ROCK1: variants seen among roughly 807,000 people sequenced by gnomAD.
The protein encoded by ROCK1 is Rho associated coiled-coil containing protein kinase 1.
A neutral mutation model predicts 196.8 loss-of-function variants in ROCK1; 36 were observed. That is an observed-to-expected ratio of 0.18 (90% confidence interval 0.14 to 0.24). The LOEUF is 0.24. ROCK1 is among the 10% of genes least tolerant of loss of function. ROCK1 has a pLI of 1.00. For synonymous variants in ROCK1, 443 were observed against 515.9 expected (o/e 0.86, Z 1.91); for missense variants, 920 against 1,562.0 (o/e 0.59, Z 6.93).
intron 2 of ROCK1, among the ~76,000 whole-genome samples, chr18:21,058,433 C>T (rs1230135875): frequency 6.6e-6 from 1 of 151,922 alleles, no homozygotes; most frequent in African/African-American, 2.4e-5. Context: ...TCATAATAAA[C>T]ATTATGTACC....
At chr18:21,055,952 T>C (rs531337643) in intron 2 of ROCK1, among the ~76,000 whole-genome samples, 1 of 152,342 alleles carries the variant, frequency 6.6e-6, no homozygotes, top group Admixed American at 6.5e-5. Context: ...CATCTTGATA[T>C]ATCAGTGGCT....
At position 21,048,459 on chromosome 18, in the gene ROCK1, T is replaced by C. The variant is rs2036179068; in HGVS notation, c.414+633A>G. 3.3e-5 allele frequency among the ~76,000 whole-genome samples: 5 copies of C among 152,282 alleles called. No individual in the cohort carries two copies. The South Asian group carries it at 8.3e-4, about 25-fold the overall frequency. On this transcript the variant is annotated intron_variant, in intron 4 of 32. Coordinates refer to ENST00000399799, the MANE Select transcript of ROCK1 (RefSeq NM_005406.3). ...AGTATCTATTTAAATTTTAATAATA[T>C]ACGACTTCCCTCAAATCTAAGTAGA...
At position 21,020,134 on chromosome 18, in the gene ROCK1, T is replaced by G; in HGVS notation, c.1361+17A>C. The G allele has an allele frequency of 6.6e-7, 1 of 1,517,184 alleles. No homozygotes were observed. The highest frequency in any genetic ancestry group is 9.0e-7 in the Non-Finnish European group (1 of 1,108,356). 94.0% of individuals were successfully genotyped at this position (1,517,184 alleles called of 1,614,324 possible). A position where few individuals can be genotyped will look rare whatever the true frequency, so the allele number is the denominator to read the frequency against. ...ATATAAAACTTTTAATATGAAAAAC[T>G]TAAAGTATATTCTCACCTGCACTTC... On this transcript the variant is annotated intron_variant, in intron 12 of 32. Coordinates refer to ENST00000399799, the MANE Select transcript of ROCK1 (RefSeq NM_005406.3).
chr18:20,970,374 T>C lies in ROCK1; in HGVS notation c.2794A>G (p.Thr932Ala). 6.2e-7 allele frequency: 1 copy of C among 1,613,914 alleles called. No individual in the cohort carries two copies. The highest frequency in any genetic ancestry group is 8.5e-7 in the Non-Finnish European group (1 of 1,179,826). ...CGACTAACAGTGTGATCTTTATCTGTAATCTCTTGTCTATTTCTTGAAGCA... is the reference window on the plus strand; with the variant it reads ...CGACTAACAGTGTGATCTTTATCTGCAATCTCTTGTCTATTTCTTGAAGCA... The part of the protein sequence containing the change: ...KAASRNRQEI[T>A]DKDHTVSRLE... The change falls in exon 23 of 33, where the codon ACA becomes GCA. Residue 932 changes from threonine (T) to alanine (A), a missense_variant. Thr to Ala is a moderately conservative substitution (Grantham distance 58). Coordinates refer to ENST00000399799, the MANE Select transcript of ROCK1 (RefSeq NM_005406.3).
chr18:21,042,536 TAGAG>T (rs1411758336), intron 7 of ROCK1, 25 bp downstream of exon 7: 11 of 1,610,186 alleles, frequency 6.8e-6, no homozygotes, highest in Non-Finnish European at 9.3e-6. Flanking sequence ...ACAACTGTAA[TAGAG>T]AGACATAAAA....
At chr18:21,026,908 T>C (rs1448133431) in intron 10 of ROCK1, among the ~76,000 whole-genome samples, 1 of 151,528 alleles carries the variant, frequency 6.6e-6, no homozygotes, top group Non-Finnish European at 1.5e-5. Context: ...ATTATACTGG[T>C]ATAGCACTTT....
intron 22 of ROCK1, among the ~76,000 whole-genome samples, chr18:20,971,715 A>C (rs2143365683): frequency 7.7e-6 from 1 of 130,660 alleles, no homozygotes; most frequent in African/African-American, 2.8e-5. Context: ...TAAATAAATA[A>C]ATAAAGAGAC....
chr18:21,024,656 T>C (rs967661586), intron 10 of ROCK1, among the ~76,000 whole-genome samples: 1 of 152,200 alleles, frequency 6.6e-6, no homozygotes, highest in African/African-American at 2.4e-5. Context: ...TTTTAAAAAT[T>C]AGTGAATAAC....
At chr18:21,086,384 T>C (rs1249365483) in intron 1 of ROCK1, among the ~76,000 whole-genome samples, 5 of 152,158 alleles carry the variant, frequency 3.3e-5, no homozygotes, top group African/African-American at 1.2e-4. Flanking sequence ...AGTGCTGAGA[T>C]TACAGGCGTG....
At position 21,046,036 on chromosome 18, in the gene ROCK1, G is replaced by A. The variant is rs748000817; in HGVS notation, c.415-569C>T. Among the ~76,000 whole-genome samples the A allele has an allele frequency of 4.0e-5, 6 of 148,898 alleles. No individual in the cohort carries two copies. In the East Asian group the frequency reaches 6.2e-4, roughly 15 times the overall value. On this transcript the variant is annotated intron_variant, in intron 4 of 32. Transcript: ENST00000399799. ...CGCCATTCTCCTACCTCAGCCTCCC[G>A]AGGAGCTGGGACTACAGGCACCCGC...
intron 16 of ROCK1, among the ~76,000 whole-genome samples, chr18:21,005,705 C>T (rs2035762594): frequency 6.6e-6 from 1 of 152,114 alleles, no homozygotes; most frequent in African/African-American, 2.4e-5. Flanking sequence ...GGTGAAACCC[C>T]GTCTCTACAA....
intron 9 of ROCK1, among the ~76,000 whole-genome samples, chr18:21,037,398 G>A (rs1370997725): frequency 3.3e-5 from 5 of 152,048 alleles, no homozygotes; most frequent in Non-Finnish European, 4.4e-5. Context: ...ATTTTGCCAC[G>A]GAAAATGGAA....
chr18:21,059,488 C>T (rs2036270977), intron 2 of ROCK1, among the ~76,000 whole-genome samples: 3 of 152,164 alleles, frequency 2.0e-5, no homozygotes, highest in Admixed American at 2.0e-4. Context: ...GTGCTCGATG[C>T]TACTGAAATA....
intron 19 of ROCK1, 93 bp downstream of exon 19, chr18:20,986,857 T>C: frequency 1.8e-6 from 2 of 1,124,850 alleles, no homozygotes; most frequent in East Asian, 2.4e-5. Flanking sequence ...TCAAATCTCC[T>C]TCATGGTGTT....
Position 21,020,165 on chromosome 18 carries a change from C to T in ROCK1, c.1347G>A (p.Met449Ile). ...TATATTCTCACCTGCACTTCTGCTC[C>T]ATTTCATCTTTTAACTGCATTTCAT... ...LHNEMQLKDE[M>I]EQKCRTSNIK... Residue 449 changes from methionine to isoleucine, a missense_variant, in exon 12 of 33, where the codon ATG becomes ATA. Transcript: ENST00000399799. 1 of 1,594,850 alleles carries T rather than the reference C, an allele frequency of 6.3e-7. No individual in the cohort carries two copies.
intron 9 of ROCK1, among the ~76,000 whole-genome samples, chr18:21,030,923 G>A (rs2036000572): frequency 6.6e-6 from 1 of 152,058 alleles, no homozygotes; most frequent in Non-Finnish European, 1.5e-5. Flanking sequence ...TGAGAACTCT[G>A]GAATCTAATA....
At chr18:21,057,013 G>A (rs186569012) in intron 2 of ROCK1, among the ~76,000 whole-genome samples, 61 of 152,316 alleles carry the variant, frequency 4.0e-4, no homozygotes, top group Non-Finnish European at 2.2e-4. Flanking sequence ...AAACTTCTCA[G>A]AACTTCCGAT....
chr18:20,970,152 A>T, intron 23 of ROCK1, 196 bp downstream of exon 23: 1 of 465,014 alleles, frequency 2.2e-6, no homozygotes, highest in Non-Finnish European at 3.8e-6. Flanking sequence ...CAAAAGCCCA[A>T]TATCTTGAAC....
chr18:20,976,011 T>C (rs1414698710), intron 22 of ROCK1, among the ~76,000 whole-genome samples: 1 of 152,188 alleles, frequency 6.6e-6, no homozygotes, highest in Admixed American at 6.5e-5. Flanking sequence ...GTTGGTAGCT[T>C]ATTGGTTTCC....
Sources: allele counts gnomAD v4.1 joint callset (sites outside exome capture counted in the v4.1 genomes callset), GRCh38; gene constraint gnomAD v4.1.1; transcripts MANE v1.5; gene names NCBI Gene and HGNC (gene_info 2026-07-23, HGNC 2026-07-21).